The following LHX4 variants were observed in gnomAD, a reference collection of about 807,000 sequenced individuals.
The protein encoded by LHX4 is LIM/homeobox protein Lhx4.
LHX4 carries 16 observed loss-of-function variants against 39.2 expected under a neutral mutation model. The ratio of observed to expected loss-of-function variants is 0.41; its 90% CI spans 0.28 to 0.62. The LOEUF is 0.62. LHX4 is among the 20% of genes least tolerant of loss of function. The probability of loss-of-function intolerance (pLI) is 0.33; values close to 1 mark genes in which losing one functional copy is unlikely to be tolerated. For missense variants in LHX4, 439 were observed against 511.9 expected, an observed-to-expected ratio of 0.86 and a Z score of 1.37; for synonymous variants, 206 against 198.1, an observed-to-expected ratio of 1.04 and a Z score of -0.33.
At chr1:180,248,570 G>A (rs1647479932) in intron 2 of LHX4, 114 bp downstream of exon 2, 2 of 1,140,412 alleles carry the variant, frequency 1.8e-6, no homozygotes, top group East Asian at 5.0e-5. Context: ...CACTCTGGGA[G>A]GGGCAGGTAA....
At chr1:180,229,952 G>GCGGAGT (rs1664127074), upstream of LHX4, among the ~76,000 whole-genome samples, 1 of 97,182 alleles carries the variant, frequency 1.0e-5, no homozygotes, top group Admixed American at 9.5e-5. Flanking sequence ...GGAGGCGGAG[G>GCGGAGT]CGGAGGCGGG....
chr1:180,257,108 A>C (rs996409218), intron 2 of LHX4, among the ~76,000 whole-genome samples: 1 of 152,202 alleles, frequency 6.6e-6, no homozygotes, highest in Non-Finnish European at 1.5e-5. Context: ...ATCTGCCCCC[A>C]GCAGGGAAGG....
rs576607246 is a variant in LHX4, at chr1:180,271,595, T to C, written c.606+61T>C. ...CCAGGCCCGGGACAGGGGTGGAAGGTATCCTGAGTGACATCAGCTCACGGG... is the reference window on the plus strand; with the variant it reads ...CCAGGCCCGGGACAGGGGTGGAAGGCATCCTGAGTGACATCAGCTCACGGG... On this transcript the variant is annotated intron_variant, in intron 4 of 5. Transcript: ENST00000263726. The C allele has an allele frequency of 1.8e-5, 28 of 1,593,398 alleles. No individual in the cohort carries two copies. The South Asian group carries it at 2.1e-4, about 12-fold the overall frequency.
intron 3 of LHX4, among the ~76,000 whole-genome samples, chr1:180,269,398 T>C (rs1648494651): frequency 6.6e-6 from 1 of 152,224 alleles, no homozygotes; most frequent in Non-Finnish European, 1.5e-5. Context: ...ACTTAATGAA[T>C]ACTTGGATGA....
Position 180,234,321 on chromosome 1 carries a change from A to G in LHX4, c.76+3716A>G, listed in dbSNP as rs907268585. Among the ~76,000 whole-genome samples the G allele has an allele frequency of 7.9e-5, 12 of 151,374 alleles. No individual in the cohort carries two copies. The highest frequency in any genetic ancestry group is 5.9e-5 in the Non-Finnish European group (4 of 67,814). ...TCGCGAGAATATATTCTCAGGCAGG[A>G]GACAATTTTTACAGATGAGGTCAGC... On this transcript the variant is annotated intron_variant, in intron 1 of 5. Transcript: ENST00000263726. The surrounding 1 kb of genome is among the most constrained non-coding windows in gnomAD (Gnocchi z 4.8).
At chr1:180,238,940 G>A (rs1365986326) in intron 1 of LHX4, among the ~76,000 whole-genome samples, 2 of 152,156 alleles carry the variant, frequency 1.3e-5, no homozygotes, top group South Asian at 2.1e-4. Flanking sequence ...TCTTCCTTTG[G>A]TCACAATTAC....
At chr1:180,250,323 TTGTGTGTGTGTGTG>T (rs757617473) in intron 2 of LHX4, among the ~76,000 whole-genome samples, 2 of 119,616 alleles carry the variant, frequency 1.7e-5, no homozygotes, top group Non-Finnish European at 3.5e-5. Flanking sequence ...TTCCCTGTGT[TTGTGTGTGTGTGTG>T]TGTGTGTGTG....
chr1:180,271,308 AG>A, intron 3 of LHX4, 71 bp from the exon 4 acceptor site: 1 of 1,539,022 alleles, frequency 6.5e-7, no homozygotes, highest in Non-Finnish European at 9.0e-7. Context: ...AAAGGATGGA[AG>A]GGAGGGTGTG....
rs1649168277 is a variant in LHX4 at position 180,278,387 on chromosome 1, C to CCAA, written c.*3810_*3812dup. 6.6e-6 allele frequency: 1 copy of CCAA among 152,114 alleles called. No individual in the cohort carries two copies. Among genetic ancestry groups the CCAA allele is most frequent in the Admixed American group, 6.5e-5 (1 of 15,268 alleles). 9.4% of individuals were successfully genotyped at this position (152,114 alleles called of 1,614,324 possible). A position where few individuals can be genotyped will look rare whatever the true frequency, so the allele number is the denominator to read the frequency against. ...ATTGGCCCTTTTTGCAGTAGTTGCT[C>CCAA]CAACTGTTCTAAACAGTGAGTGACT... is the stretch of plus-strand genomic sequence containing the variant. On this transcript the variant is annotated 3_prime_UTR_variant, in exon 6 of 6. Coordinates refer to ENST00000263726, the MANE Select transcript of LHX4 (RefSeq NM_033343.4).
Position 180,232,012 on chromosome 1 carries a change from T to A in LHX4, c.76+1407T>A, listed in dbSNP as rs1423710997. ...GCCGGCAATCAGTTCCACGTCTGTGTTGAGCCTTGGGGAGTTTACCGCTAA... is the reference window on the plus strand; with the variant it reads ...GCCGGCAATCAGTTCCACGTCTGTGATGAGCCTTGGGGAGTTTACCGCTAA... On this transcript the variant is annotated intron_variant, in intron 1 of 5. Transcript: ENST00000263726. The surrounding 1 kb of genome is among the most constrained non-coding windows in gnomAD (Gnocchi z 5.4). 6.6e-6 allele frequency among the ~76,000 whole-genome samples: 1 copy of A among 152,220 alleles called. No homozygotes were observed. Among genetic ancestry groups the A allele is most frequent in the Non-Finnish European group, 1.5e-5 (1 of 68,036 alleles).
In LHX4 at chr1:180,248,464, A is replaced by T. The variant is rs1647473376; in HGVS notation, c.248+8A>T. The T allele has an allele frequency of 6.2e-7, 1 of 1,613,830 alleles. No homozygotes were observed. ...CAAGGAGGACTTCTTCAAGTAAGTC[A>T]GAACGGTCCGTCTCGTGGCCCTGGC... On this transcript the variant is annotated splice_region_variant and intron_variant, in intron 2 of 5. Coordinates refer to ENST00000263726, the MANE Select transcript of LHX4 (RefSeq NM_033343.4).
rs115351245 is a variant in LHX4, at chr1:180,276,213, C to A, written c.*1634C>A. On this transcript the variant is annotated 3_prime_UTR_variant, in exon 6 of 6. Transcript: ENST00000263726. ...GAGACCCTAAGGACCCTTCCTTCTA[C>A]GAATGGTTGGTCACCTTTTGAGGAC... 28 of 152,302 alleles carry A rather than the reference C, an allele frequency of 1.8e-4. No homozygotes were observed. The highest frequency in any genetic ancestry group is 6.5e-4 in the African/African-American group (27 of 41,544). The allele number at this position is 152,302 out of a possible 1,614,324, so 9.4% of individuals were successfully genotyped here. A position where few individuals can be genotyped will look rare whatever the true frequency, so the allele number is the denominator to read the frequency against.
chr1:180,231,263 C>G (rs780189775), intron 1 of LHX4, among the ~76,000 whole-genome samples: 1 of 151,936 alleles, frequency 6.6e-6, no homozygotes, highest in Non-Finnish European at 1.5e-5. Flanking sequence ...TTGTGAATTC[C>G]GGGTTCAGCC....
chr1:180,265,227 T>C (rs1648263402), intron 2 of LHX4, among the ~76,000 whole-genome samples: 1 of 152,200 alleles, frequency 6.6e-6, no homozygotes, highest in Non-Finnish European at 1.5e-5. Context: ...CCCAGATCCA[T>C]TAGGCGAAGT....
chr1:180,229,972 G>GCGGGGGGGT (rs1558204981), upstream of LHX4, among the ~76,000 whole-genome samples: 124 of 143,614 alleles, frequency 8.6e-4, 13 homozygotes, highest in African/African-American at 2.1e-3. Context: ...GGAGGGGGGG[G>GCGGGGGGGT]GGGTGCCGGC....
At chr1:180,253,779 G>A (rs147903772) in intron 2 of LHX4, among the ~76,000 whole-genome samples, 1,918 of 152,278 alleles carry the variant, frequency 0.013, 22 homozygotes, top group Non-Finnish European at 0.019. Flanking sequence ...CCGCAGCCCT[G>A]CAGGGTCAGG....
chr1:180,242,251 G>C (rs1468186199), intron 1 of LHX4, among the ~76,000 whole-genome samples: 1 of 150,730 alleles, frequency 6.6e-6, no homozygotes, highest in Non-Finnish European at 1.5e-5. Context: ...ATGAGGATGT[G>C]AGTGCATGTG....
chr1:180,239,855 C>G (rs1006901912), intron 1 of LHX4, among the ~76,000 whole-genome samples: 3 of 152,164 alleles, frequency 2.0e-5, no homozygotes, highest in African/African-American at 7.2e-5. Context: ...ATCACAGCTC[C>G]CATTTCACAG....
chr1:180,263,756 C>T (rs997119180), intron 2 of LHX4, among the ~76,000 whole-genome samples: 1 of 152,178 alleles, frequency 6.6e-6, no homozygotes. Flanking sequence ...CTGGTGTCAG[C>T]TGGGCCTCCG....
Sources: allele counts gnomAD v4.1 joint callset (sites outside exome capture counted in the v4.1 genomes callset), GRCh38; gene constraint gnomAD v4.1.1; non-coding constraint Gnocchi (gnomAD v3.1); transcripts MANE v1.5; gene names NCBI Gene and HGNC (gene_info 2026-07-23, HGNC 2026-07-21).